The following IQCJ variants were observed in gnomAD, a reference collection of about 807,000 sequenced individuals.
The protein encoded by IQCJ is IQ motif containing J.
IQCJ carries 9 observed loss-of-function variants against 11.0 expected under a neutral mutation model. The observed-to-expected ratio is 0.82, with a 90% CI of 0.49 to 1.43. The LOEUF (loss-of-function observed/expected upper bound fraction) is 1.43, where lower values mean the gene tolerates loss of function less well. IQCJ is among the 40% of genes most tolerant of loss of function. The pLI, the probability that IQCJ is intolerant of heterozygous loss-of-function variation, is 0.00. For synonymous variants in IQCJ, 55 were observed against 51.3 expected (o/e 1.07, Z -0.31); for missense variants, 146 against 133.2 (o/e 1.10, Z -0.47).
At position 159,260,874 on chromosome 3, in the gene IQCJ, A is replaced by T. The variant is rs1481390062; in HGVS notation, c.156-1674A>T. On this transcript the variant is annotated intron_variant, in intron 3 of 3. Transcript: ENST00000397832. ...CTATACAAATCATGAAGAGCCCCTC[A>T]TCAGGATCTTGGAAGAGGCTCCTGG... Among the ~76,000 whole-genome samples, 4 of 152,178 alleles carry T rather than the reference A, an allele frequency of 2.6e-5. 1 individual carries two copies. In the Middle Eastern group the frequency reaches 9.5e-3, roughly 361 times the overall value.
chr3:159,069,555 G>C (rs1287830304), intron 1 of IQCJ, 114 bp downstream of exon 1: 3 of 1,434,124 alleles, frequency 2.1e-6, no homozygotes, highest in Non-Finnish European at 2.8e-6. Context: ...ATGTCAAAAA[G>C]AGCTTATAGA....
intron 2 of IQCJ, among the ~76,000 whole-genome samples, chr3:159,251,060 A>G (rs1727569359): frequency 6.6e-6 from 1 of 152,156 alleles, no homozygotes; most frequent in African/African-American, 2.4e-5. Context: ...CCTGAATACC[A>G]ATGGCACAGA....
chr3:159,125,793 A>C (rs1719646164), intron 1 of IQCJ, among the ~76,000 whole-genome samples: 1 of 152,206 alleles, frequency 6.6e-6, no homozygotes, highest in Admixed American at 6.5e-5. Context: ...ATCAATCCAA[A>C]TATGGAACTG....
At chr3:159,237,391 T>A (rs74698909) in intron 1 of IQCJ, among the ~76,000 whole-genome samples, 5,049 of 152,276 alleles carry the variant, frequency 0.033, 261 homozygotes, top group African/African-American at 0.12. Flanking sequence ...TTCCACTGTC[T>A]GTGACAGAAG....
chr3:159,155,989 C>G (rs1721497775), intron 1 of IQCJ, among the ~76,000 whole-genome samples: 1 of 152,086 alleles, frequency 6.6e-6, no homozygotes, highest in Non-Finnish European at 1.5e-5. Context: ...TAAAATTAAC[C>G]AACCTATTTT....
intron 1 of IQCJ, among the ~76,000 whole-genome samples, chr3:159,149,944 A>C (rs1273579638): frequency 1.3e-5 from 2 of 152,112 alleles, no homozygotes; most frequent in African/African-American, 2.4e-5. Context: ...AAGTCCTTTA[A>C]GTTCTCCCAT....
chr3:159,185,840 G>C (rs778356168), intron 1 of IQCJ, among the ~76,000 whole-genome samples: 1 of 152,188 alleles, frequency 6.6e-6, no homozygotes, highest in Non-Finnish European at 1.5e-5. Context: ...CTCTAAGAGA[G>C]AGAACCAGGA....
intron 1 of IQCJ, among the ~76,000 whole-genome samples, chr3:159,085,139 T>C (rs1471629804): frequency 6.6e-6 from 1 of 151,292 alleles, no homozygotes; most frequent in African/African-American, 2.4e-5. Flanking sequence ...CATTGTTCAA[T>C]TCCCACCTAT....
chr3:159,173,485 A>G (rs1447979277), intron 1 of IQCJ, among the ~76,000 whole-genome samples: 1 of 152,210 alleles, frequency 6.6e-6, no homozygotes, highest in Admixed American at 6.5e-5. Context: ...CCACTCCTAC[A>G]TCGCAGGATA....
intron 1 of IQCJ, 154 bp downstream of exon 1, chr3:159,069,595 G>C: frequency 9.9e-7 from 1 of 1,011,378 alleles, no homozygotes; most frequent in Non-Finnish European, 1.4e-6. Flanking sequence ...TGGTCTAGGT[G>C]CGTGTGCATG....
chr3:159,219,847 T>TG (rs1200665707), intron 1 of IQCJ, among the ~76,000 whole-genome samples: 4 of 152,152 alleles, frequency 2.6e-5, no homozygotes, highest in African/African-American at 9.7e-5. Context: ...AAGCCTGCAG[T>TG]GCTCTCTCAG....
At chr3:159,075,341 A>C (rs1715840133) in intron 1 of IQCJ, among the ~76,000 whole-genome samples, 1 of 152,126 alleles carries the variant, frequency 6.6e-6, no homozygotes, top group South Asian at 2.1e-4. Context: ...GTGTACAAAA[A>C]AAATTTTTTT....
chr3:159,139,173 T>C (rs915462370), intron 1 of IQCJ, among the ~76,000 whole-genome samples: 1 of 152,198 alleles, frequency 6.6e-6, no homozygotes, highest in Non-Finnish European at 1.5e-5. Context: ...GATTCTGTGT[T>C]GTAAGGATGT....
At position 159,231,151 on chromosome 3, in the gene IQCJ, C is replaced by T. The variant is rs143386287; in HGVS notation, c.10-14692C>T. Among the ~76,000 whole-genome samples, 471 of 152,212 alleles carry T rather than the reference C, an allele frequency of 3.1e-3. 1 individual carries two copies. Among genetic ancestry groups the T allele is most frequent in the African/African-American group, 0.011 (452 of 41,518 alleles). On this transcript the variant is annotated intron_variant, in intron 1 of 3. Transcript: ENST00000397832. ...TTAATGGGAAAAAAGATTCTGCTCC[C>T]AACATTTAGGCTATGTAAGGAGAAC...
At chr3:159,251,042 T>C (rs1727568089) in intron 2 of IQCJ, among the ~76,000 whole-genome samples, 7 of 152,082 alleles carry the variant, frequency 4.6e-5, no homozygotes, top group Admixed American at 1.3e-4. Flanking sequence ...AATTAATTAG[T>C]AATGGACCCT....
rs142566625 is a variant in IQCJ, at chr3:159,198,357, C to A, written c.10-47486C>A. 3.2e-3 allele frequency among the ~76,000 whole-genome samples: 481 copies of A among 152,132 alleles called. 1 individual carries two copies. Among genetic ancestry groups the A allele is most frequent in the African/African-American group, 0.011 (457 of 41,502 alleles). Reference sequence around the variant, plus strand: ...TACTGAGCATCTAGTATATGCAAAGCATGCTGGTTGGTAGAATAAATATGG... The same window carrying A: ...TACTGAGCATCTAGTATATGCAAAGAATGCTGGTTGGTAGAATAAATATGG... On this transcript the variant is annotated intron_variant, in intron 1 of 3. Transcript: ENST00000397832.
Position 159,262,859 on chromosome 3 carries a change from GAC to G in IQCJ, c.*132_*133del. 1.4e-6 allele frequency: 2 copies of G among 1,423,972 alleles called. No individual in the cohort carries two copies. Among genetic ancestry groups the G allele is most frequent in the South Asian group, 3.4e-5 (2 of 58,010 alleles). The allele number at this position is 1,423,972 out of a possible 1,614,324, so 88.2% of individuals were successfully genotyped here. On this transcript the variant is annotated 3_prime_UTR_variant, in exon 4 of 4. Transcript: ENST00000397832. ...GAGAGTTTTGTCACCTCAAAATAAA[GAC>G]ACAATTCATAAGCACAAAGTGAACT...
chr3:159,156,825 A>C (rs904461331), intron 1 of IQCJ, among the ~76,000 whole-genome samples: 23 of 152,206 alleles, frequency 1.5e-4, no homozygotes, highest in Non-Finnish European at 2.9e-5. Context: ...ATCAATAAAA[A>C]GGCCTTAAAG....
intron 1 of IQCJ, among the ~76,000 whole-genome samples, chr3:159,147,277 A>T (rs1720972128): frequency 6.6e-6 from 1 of 152,246 alleles, no homozygotes; most frequent in African/African-American, 2.4e-5. Flanking sequence ...TGAGATTAAA[A>T]TACGCATTCA....
Sources: gnomAD v4.1 joint callset for allele counts (sites outside exome capture counted in the v4.1 genomes callset) on GRCh38, gnomAD v4.1.1 for gene constraint, MANE v1.5 for transcripts, NCBI Gene and HGNC (gene_info 2026-07-23, HGNC 2026-07-21) for gene names.